The following SLC35F3 variants were observed in gnomAD, a reference collection of about 807,000 sequenced individuals.
SLC35F3 encodes the protein putative thiamine transporter SLC35F3.
Under a neutral mutation model 49.9 loss-of-function variants are expected in SLC35F3, and 25 were observed. The observed-to-expected ratio is 0.50, with a 90% CI of 0.37 to 0.70. The LOEUF (loss-of-function observed/expected upper bound fraction) is 0.70, where lower values mean the gene tolerates loss of function less well. Ranked by LOEUF, SLC35F3 falls within the 30% of genes least tolerant of loss-of-function variation. The pLI is 0.00. For missense variants in SLC35F3, 525 were observed against 639.8 expected (o/e 0.82, Z 1.94); for synonymous variants, 275 against 265.4 (o/e 1.04, Z -0.35).
chr1:233,967,416 G>T (rs1252390371), intron 2 of SLC35F3, among the ~76,000 whole-genome samples: 1 of 152,142 alleles, frequency 6.6e-6, no homozygotes, highest in African/African-American at 2.4e-5. Context: ...TTATCTGGCC[G>T]ATGAACTATG....
chr1:234,280,684 C>T (rs1393838092), intron 3 of SLC35F3, among the ~76,000 whole-genome samples: 1 of 152,218 alleles, frequency 6.6e-6, no homozygotes, highest in East Asian at 1.9e-4. Flanking sequence ...CATTTCTCAG[C>T]ACTCACCACG....
intron 3 of SLC35F3, among the ~76,000 whole-genome samples, chr1:234,251,213 A>G (rs10752778): frequency 0.1 from 15,422 of 152,156 alleles, 1,854 homozygotes; most frequent in East Asian, 0.67. Flanking sequence ...CTCAAGAGGT[A>G]AAGGAAATAG....
intron 2 of SLC35F3, among the ~76,000 whole-genome samples, chr1:233,973,846 TTTTTC>T (rs1291670526): frequency 2.6e-5 from 4 of 152,218 alleles, no homozygotes; most frequent in Non-Finnish European, 5.9e-5. Flanking sequence ...GCATAAATTT[TTTTTC>T]TTTTCTTTTC....
At chr1:234,195,192 C>T (rs1666788958) in intron 2 of SLC35F3, among the ~76,000 whole-genome samples, 1 of 152,200 alleles carries the variant, frequency 6.6e-6, no homozygotes, top group Admixed American at 6.5e-5. Context: ...TTGCCCACTG[C>T]TTTCCAGGCT....
chr1:234,145,158 G>A (rs1665977910), intron 2 of SLC35F3, among the ~76,000 whole-genome samples: 1 of 152,210 alleles, frequency 6.6e-6, no homozygotes, highest in Non-Finnish European at 1.5e-5. Flanking sequence ...ACCTCAGGGT[G>A]ATACCAGTTT....
intron 2 of SLC35F3, among the ~76,000 whole-genome samples, chr1:234,153,453 TAATAA>T (rs1032830196): frequency 7.9e-5 from 12 of 151,864 alleles, no homozygotes; most frequent in Admixed American, 5.9e-4. Flanking sequence ...CTACAAATAA[TAATAA>T]AATAAAATAC....
chr1:234,279,182 G>A (rs1477231728), intron 3 of SLC35F3, among the ~76,000 whole-genome samples: 1 of 152,170 alleles, frequency 6.6e-6, no homozygotes, highest in Non-Finnish European at 1.5e-5. Flanking sequence ...GGGACTTCCA[G>A]GTCATAGGCA....
At chr1:234,041,383 G>C (rs1340194457) in intron 2 of SLC35F3, among the ~76,000 whole-genome samples, 1 of 152,090 alleles carries the variant, frequency 6.6e-6, no homozygotes, top group Non-Finnish European at 1.5e-5. Context: ...GGACTACGGA[G>C]GGATTTCTTT....
intron 2 of SLC35F3, among the ~76,000 whole-genome samples, chr1:234,159,232 C>G (rs138601394): frequency 1.3e-5 from 2 of 152,036 alleles, no homozygotes; most frequent in Non-Finnish European, 2.9e-5. Context: ...AGAAACTAAC[C>G]CTTGCCAAGG....
chr1:233,929,237 C>T (rs755129069), intron 2 of SLC35F3, among the ~76,000 whole-genome samples: 1 of 152,156 alleles, frequency 6.6e-6, no homozygotes, highest in Non-Finnish European at 1.5e-5. Flanking sequence ...CTGCCAATTC[C>T]GTTGGTGTCA....
chr1:234,225,262 A>G (rs1252129720), intron 2 of SLC35F3, among the ~76,000 whole-genome samples: 1 of 152,246 alleles, frequency 6.6e-6, no homozygotes, highest in African/African-American at 2.4e-5. Context: ...TAGAAAAGAT[A>G]AACAAAGCCT....
intron 2 of SLC35F3, among the ~76,000 whole-genome samples, chr1:234,179,733 T>A (rs199995844): frequency 0.14 from 20,894 of 152,072 alleles, 3,627 homozygotes; most frequent in East Asian, 0.88. Context: ...TTTTTACCAA[T>A]TATGTTAAAA....
At chr1:234,262,946 C>T (rs12407945) in intron 3 of SLC35F3, among the ~76,000 whole-genome samples, 22,019 of 152,278 alleles carry the variant, frequency 0.14, 2,028 homozygotes, top group South Asian at 0.22. Flanking sequence ...GAGCAAGCTG[C>T]TTACATTCCC....
intron 2 of SLC35F3, among the ~76,000 whole-genome samples, chr1:234,120,779 C>T (rs758375309): frequency 1.1e-4 from 17 of 152,242 alleles, no homozygotes; most frequent in Non-Finnish European, 2.2e-4. Flanking sequence ...CTGCCAGACA[C>T]TCCAATCTGT....
intron 2 of SLC35F3, among the ~76,000 whole-genome samples, chr1:233,953,387 G>T (rs1213049666): frequency 6.6e-6 from 1 of 152,158 alleles, no homozygotes; most frequent in Non-Finnish European, 1.5e-5. Context: ...TGATATTTTT[G>T]ATAAAATAAA....
At chr1:234,317,613 T>C (rs1657522805) in intron 5 of SLC35F3, among the ~76,000 whole-genome samples, 1 of 152,190 alleles carries the variant, frequency 6.6e-6, no homozygotes, top group Non-Finnish European at 1.5e-5. Flanking sequence ...GAGTACCATG[T>C]GTTCTGGGTT....
chr1:234,240,254 G>A (rs564073981), intron 3 of SLC35F3, among the ~76,000 whole-genome samples: 1 of 152,280 alleles, frequency 6.6e-6, no homozygotes, highest in East Asian at 1.9e-4. Context: ...CGGATCACTT[G>A]AGCCCAGGAG....
In SLC35F3 at chr1:234,320,337, CA is replaced by C; in HGVS notation, c.1237+151del. ...GCATACACACACACACACATACTCT[CA>C]CATACATACTCACATATATTATTGC... On this transcript the variant is annotated intron_variant, in intron 7 of 7. Coordinates refer to ENST00000366618, the MANE Select transcript of SLC35F3 (RefSeq NM_173508.4). The surrounding 1 kb of genome is among the most constrained non-coding windows in gnomAD (Gnocchi z 4.8). 1 of 616,010 alleles carries C rather than the reference CA, an allele frequency of 1.6e-6. No homozygotes were observed. The highest frequency in any genetic ancestry group is 1.8e-5 in the African/African-American group (1 of 55,112). The allele number at this position is 616,010 out of a possible 1,614,324, so 38.2% of individuals were successfully genotyped here.
At chr1:234,087,608 C>T (rs752452881) in intron 2 of SLC35F3, among the ~76,000 whole-genome samples, 40 of 152,218 alleles carry the variant, frequency 2.6e-4, no homozygotes, top group Non-Finnish European at 4.4e-4. Flanking sequence ...TTCTTCATTC[C>T]ATTCATCAGA....
Sources: gnomAD v4.1 joint callset for allele counts (sites outside exome capture counted in the v4.1 genomes callset) on GRCh38, gnomAD v4.1.1 for gene constraint, Gnocchi (gnomAD v3.1) non-coding constraint, MANE v1.5 for transcripts, NCBI Gene and HGNC (gene_info 2026-07-23, HGNC 2026-07-21) for gene names.